The following ARSB variants were observed in gnomAD, a reference collection of about 807,000 sequenced individuals.
The protein encoded by ARSB is N-acetylgalactosamine-4-sulfatase.
ARSB carries 41 observed loss-of-function variants against 50.9 expected under a neutral mutation model. The ratio of observed to expected loss-of-function variants is 0.81; its 90% CI spans 0.63 to 1.04. The LOEUF (loss-of-function observed/expected upper bound fraction) is 1.04. ARSB is among the 50% of genes least tolerant of loss of function. The pLI is 0.00. For missense variants in ARSB, 672 were observed against 693.3 expected, an observed-to-expected ratio of 0.97 and a Z score of 0.35; for synonymous variants, 269 against 284.8, an observed-to-expected ratio of 0.94 and a Z score of 0.56.
At chr5:78,830,267 G>C (rs915689838) in intron 6 of ARSB, among the ~76,000 whole-genome samples, 1 of 152,208 alleles carries the variant, frequency 6.6e-6, no homozygotes, top group African/African-American at 2.4e-5. Flanking sequence ...ATGTACAAAT[G>C]GAGTTATGGG....
At chr5:78,845,642 T>C (rs1745413338) in intron 5 of ARSB, among the ~76,000 whole-genome samples, 1 of 152,166 alleles carries the variant, frequency 6.6e-6, no homozygotes, top group Non-Finnish European at 1.5e-5. Context: ...ATGTTGAGCA[T>C]TTTTAAAAAT....
chr5:78,889,966 T>G (rs1748207338), intron 4 of ARSB, among the ~76,000 whole-genome samples: 1 of 152,188 alleles, frequency 6.6e-6, no homozygotes, highest in South Asian at 2.1e-4. Context: ...ATACCAAGCC[T>G]GGACATCTCT....
At chr5:78,880,275 G>A (rs1747689707) in intron 5 of ARSB, among the ~76,000 whole-genome samples, 1 of 152,194 alleles carries the variant, frequency 6.6e-6, no homozygotes, top group Non-Finnish European at 1.5e-5. Context: ...ATGTGCATTT[G>A]TAATCCAAAA....
At chr5:78,787,796 G>A (rs2112627404) in intron 6 of ARSB, among the ~76,000 whole-genome samples, 1 of 152,288 alleles carries the variant, frequency 6.6e-6, no homozygotes, top group East Asian at 1.9e-4. Context: ...GCTCAAGGTA[G>A]ACGGCTCCAC....
At chr5:78,892,871 G>C (rs954187773) in intron 4 of ARSB, among the ~76,000 whole-genome samples, 2 of 152,334 alleles carry the variant, frequency 1.3e-5, no homozygotes, top group Admixed American at 6.5e-5. Context: ...TTGACTAAGA[G>C]CACCAGCAAG....
chr5:78,985,167 G>A lies in ARSB; in HGVS notation c.82C>T (p.Leu28=), dbSNP rs138587718. Residue 28 remains leucine (L), a synonymous_variant, in exon 1 of 8, where the codon CTG becomes TTG. Transcript: ENST00000264914. ...CCCGGCGGCGCCAACAACAGCAGCA[G>A]CAGCAGCGGGAGGACGACGGGGAGG... is the stretch of plus-strand genomic sequence containing the variant. ...LLLPVVLPLL[L]LLLLAPPGSG... 330 of 1,440,718 alleles carry A rather than the reference G, an allele frequency of 2.3e-4. 2 individuals are homozygous for A. In the African/African-American group the frequency reaches 3.6e-3, roughly 16 times the overall value. The allele number at this position is 1,440,718 out of a possible 1,614,324, so 89.2% of individuals were successfully genotyped here.
chr5:78,822,153 C>A (rs1036445561), intron 6 of ARSB, among the ~76,000 whole-genome samples: 8 of 152,060 alleles, frequency 5.3e-5, no homozygotes, highest in Non-Finnish European at 1.0e-4. Flanking sequence ...CATTTTGTGA[C>A]CTTTTGCTGT....
At position 78,777,454 on chromosome 5, in the gene ARSB, T is replaced by C. The variant is rs955495102; in HGVS notation, c.*2943A>G. The C allele has an allele frequency of 6.6e-6, 1 of 152,620 alleles. No homozygotes were observed. The highest frequency in any genetic ancestry group is 2.4e-5 in the African/African-American group (1 of 41,440). 9.5% of individuals were successfully genotyped at this position (152,620 alleles called of 1,614,324 possible). On this transcript the variant is annotated 3_prime_UTR_variant, in exon 8 of 8. Transcript: ENST00000264914. ...CAAATGGAAGCCCCATACATATGGCTGACACATTTTAAAAGATTAATTTTA... is the reference window on the plus strand; with the variant it reads ...CAAATGGAAGCCCCATACATATGGCCGACACATTTTAAAAGATTAATTTTA...
At chr5:78,801,866 A>C (rs2112646488) in intron 6 of ARSB, among the ~76,000 whole-genome samples, 1 of 152,226 alleles carries the variant, frequency 6.6e-6, no homozygotes, top group African/African-American at 2.4e-5. Context: ...GAACAGGGAT[A>C]TCTAACTGCT....
At chr5:78,818,169 A>G (rs575839605) in intron 6 of ARSB, among the ~76,000 whole-genome samples, 1 of 152,196 alleles carries the variant, frequency 6.6e-6, no homozygotes, top group African/African-American at 2.4e-5. Flanking sequence ...CCCCAAAGAA[A>G]GATCTCTGAT....
intron 4 of ARSB, among the ~76,000 whole-genome samples, chr5:78,906,968 G>A (rs1011410624): frequency 9.2e-5 from 14 of 152,152 alleles, no homozygotes; most frequent in Non-Finnish European, 4.4e-5. Flanking sequence ...CACCTGCTAG[G>A]TGCCCGCTAC....
At chr5:78,810,693 C>T (rs1048205240) in intron 6 of ARSB, among the ~76,000 whole-genome samples, 9 of 152,184 alleles carry the variant, frequency 5.9e-5, no homozygotes, top group African/African-American at 2.2e-4. Flanking sequence ...ACAAGGCCCT[C>T]CAGCTGCAAA....
chr5:78,796,916 C>T (rs1413966126), intron 6 of ARSB, among the ~76,000 whole-genome samples: 58 of 132,424 alleles, frequency 4.4e-4, no homozygotes, highest in African/African-American at 1.4e-3. Flanking sequence ...CTCGCTCTGT[C>T]GCCCAGGCTG....
chr5:78,902,074 T>C (rs560335385), intron 4 of ARSB, among the ~76,000 whole-genome samples: 53 of 152,384 alleles, frequency 3.5e-4, no homozygotes, highest in African/African-American at 1.2e-3. Flanking sequence ...TCTAAGAACA[T>C]GGTGCTGGCA....
At chr5:78,859,815 C>A (rs1746340881) in intron 5 of ARSB, among the ~76,000 whole-genome samples, 1 of 151,934 alleles carries the variant, frequency 6.6e-6, no homozygotes, top group Non-Finnish European at 1.5e-5. Context: ...CTCTCTATGT[C>A]CACCCCCACA....
chr5:78,973,575 G>T (rs909400097), intron 1 of ARSB, among the ~76,000 whole-genome samples: 2 of 152,178 alleles, frequency 1.3e-5, no homozygotes, highest in Admixed American at 1.3e-4. Flanking sequence ...TGAGCTTAAA[G>T]GAGAAAATCC....
chr5:78,897,870 C>T (rs182682966), intron 4 of ARSB, among the ~76,000 whole-genome samples: 232 of 152,050 alleles, frequency 1.5e-3, no homozygotes, highest in Non-Finnish European at 2.9e-3. Context: ...ATATTTTTTT[C>T]TAGCAACTAA....
chr5:78,904,389 T>TC (rs1173388800), intron 4 of ARSB, among the ~76,000 whole-genome samples: 4 of 151,846 alleles, frequency 2.6e-5, no homozygotes, highest in African/African-American at 9.7e-5. Context: ...TTTTTTTTTT[T>TC]CATCTTTAGT....
intron 6 of ARSB, among the ~76,000 whole-genome samples, chr5:78,799,850 T>C (rs1391596432): frequency 1.3e-5 from 2 of 152,222 alleles, no homozygotes; most frequent in East Asian, 1.9e-4. Context: ...GTTTGGCAGA[T>C]GAAAAATCTG....
Sources: allele counts gnomAD v4.1 joint callset (sites outside exome capture counted in the v4.1 genomes callset), GRCh38; gene constraint gnomAD v4.1.1; transcripts MANE v1.5; gene names NCBI Gene and HGNC (gene_info 2026-07-23, HGNC 2026-07-21).